Variants in PLEKHA6 observed in about 807,000 individuals in gnomAD.
PLEKHA6 encodes pleckstrin homology domain-containing family A member 6.
PLEKHA6 carries 60 observed loss-of-function variants against 116.7 expected under a neutral mutation model. That is an observed-to-expected ratio of 0.51 (90% CI 0.42 to 0.64). The LOEUF is 0.64. PLEKHA6 is among the 30% of genes least tolerant of loss of function. PLEKHA6 has a pLI of 0.00. For missense variants in PLEKHA6, 1,338 were observed against 1,422.7 expected, an observed-to-expected ratio of 0.94 and a Z score of 0.96; for synonymous variants, 489 against 556.1, an observed-to-expected ratio of 0.88 and a Z score of 1.70.
chr1:204,359,353 T>C (rs1673503940), intron 1 of PLEKHA6, among the ~76,000 whole-genome samples: 1 of 152,126 alleles, frequency 6.6e-6, no homozygotes. Context: ...CTGGCCTCTC[T>C]GTGCTAGCTT....
chr1:204,310,737 G>C (rs1334606933), intron 1 of PLEKHA6, among the ~76,000 whole-genome samples: 1 of 152,218 alleles, frequency 6.6e-6, no homozygotes, highest in Non-Finnish European at 1.5e-5. Context: ...CATCCTGCTA[G>C]AAATGATTAG....
chr1:204,370,243 A>C (rs1673748004), intron 2 of PLEKHA6, among the ~76,000 whole-genome samples: 1 of 152,256 alleles, frequency 6.6e-6, no homozygotes, highest in African/African-American at 2.4e-5. Context: ...CTCTTCCAGA[A>C]ATGATCCCAG....
At chr1:204,254,809 AGT>A (rs1403350672) in intron 9 of PLEKHA6, among the ~76,000 whole-genome samples, 1 of 152,198 alleles carries the variant, frequency 6.6e-6, no homozygotes, top group Non-Finnish European at 1.5e-5. Context: ...TCCACAGGAC[AGT>A]GTTGTGTACT....
chr1:204,248,772 T>C, intron 12 of PLEKHA6, 49 bp downstream of exon 12: 2 of 1,572,876 alleles, frequency 1.3e-6, no homozygotes, highest in Non-Finnish European at 1.7e-6. Flanking sequence ...GTGGCCCTGC[T>C]GCCTAGTGCT....
At chr1:204,280,916 A>T (rs529592988) in intron 1 of PLEKHA6, 13 of 603,750 alleles carry the variant, frequency 2.2e-5, no homozygotes, top group Non-Finnish European at 2.1e-5. Context: ...GCCACTTCTC[A>T]TCAGAGGCCC....
chr1:204,288,395 C>A (rs1471097899), intron 1 of PLEKHA6, among the ~76,000 whole-genome samples: 1 of 152,202 alleles, frequency 6.6e-6, no homozygotes, highest in Non-Finnish European at 1.5e-5. Context: ...GAAGGAGAGC[C>A]CTCTAGTCCC....
chr1:204,257,377 C>T lies in PLEKHA6; in HGVS notation c.1500G>A (p.Met500Ile). 6.4e-7 allele frequency: 1 copy of T among 1,563,260 alleles called. No homozygotes were observed. The highest frequency in any genetic ancestry group is 8.7e-7 in the Non-Finnish European group (1 of 1,153,336). Reference sequence around the variant, plus strand: ...CCTTGGGGGAGCTGATGGATCGCCTCATCACATAGGCAGCAGGGTCAGCAT... The same window carrying T: ...CCTTGGGGGAGCTGATGGATCGCCTTATCACATAGGCAGCAGGGTCAGCAT... The part of the protein sequence containing the change: ...DIYADPAAYV[M>I]RRSISSPKVP... The change falls in exon 9 of 23, where the codon ATG (methionine) becomes ATA (isoleucine). Residue 500 changes from methionine (M) to isoleucine (I), a missense_variant. Met to Ile is a conservative substitution (Grantham distance 10). Transcript: ENST00000272203. This position sits in a 1 kb window ranked among gnomAD's most constrained non-coding sequence, Gnocchi z 6.5.
chr1:204,311,796 G>A (rs548320276), intron 1 of PLEKHA6: 116 of 487,368 alleles, frequency 2.4e-4, no homozygotes, highest in Middle Eastern at 1.1e-3. Flanking sequence ...TATTTCTTTA[G>A]AGGAGGAAAC....
intron 1 of PLEKHA6, among the ~76,000 whole-genome samples, chr1:204,340,394 C>T (rs191958518): frequency 6.6e-6 from 1 of 152,302 alleles, no homozygotes; most frequent in Non-Finnish European, 1.5e-5. Flanking sequence ...TGTTCACCCG[C>T]ATTAGAGTCA....
At chr1:204,335,550 T>A (rs1672617599) in intron 1 of PLEKHA6, among the ~76,000 whole-genome samples, 1 of 152,020 alleles carries the variant, frequency 6.6e-6, no homozygotes, top group Non-Finnish European at 1.5e-5. Flanking sequence ...TCCCTGCTCT[T>A]TGCCAGAGCA....
intron 1 of PLEKHA6, among the ~76,000 whole-genome samples, chr1:204,303,971 T>A (rs1229489612): frequency 6.6e-6 from 1 of 152,164 alleles, no homozygotes; most frequent in East Asian, 1.9e-4. Context: ...CGCCTCAGCC[T>A]CCCAAAGTGC....
intron 1 of PLEKHA6, among the ~76,000 whole-genome samples, chr1:204,282,327 G>A (rs1443825765): frequency 6.6e-6 from 1 of 152,174 alleles, no homozygotes; most frequent in East Asian, 1.9e-4. Context: ...CTTTAAACTG[G>A]TTGTTTTACT....
rs1229406531 is a variant in PLEKHA6 at position 204,222,143 on chromosome 1, G to C, written c.*645C>G. ...AGCCACAGCCAGCACTGTTCCCTCT[G>C]GGAGCCAATGGCCTCTCCCCATCTC... is the stretch of plus-strand genomic sequence containing the variant. On this transcript the variant is annotated 3_prime_UTR_variant, in exon 23 of 23. Coordinates refer to ENST00000272203, the MANE Select transcript of PLEKHA6 (RefSeq NM_014935.5). The C allele has an allele frequency of 6.6e-6, 1 of 152,512 alleles. No homozygotes were observed. Among genetic ancestry groups the C allele is most frequent in the East Asian group, 2.0e-4 (1 of 5,124 alleles). The allele number at this position is 152,512 out of a possible 1,614,324, so 9.4% of individuals were successfully genotyped here. A position where few individuals can be genotyped will look rare whatever the true frequency, so the allele number is the denominator to read the frequency against.
chr1:204,359,591 A>C, intron 1 of PLEKHA6, 103 bp downstream of exon 1: 1 of 984,870 alleles, frequency 1.0e-6, no homozygotes, highest in African/African-American at 1.7e-5. Context: ...TCCGCAGTGC[A>C]AGCAGCCCAG....
At chr1:204,323,557 G>A (rs975613658) in intron 1 of PLEKHA6, among the ~76,000 whole-genome samples, 2 of 152,186 alleles carry the variant, frequency 1.3e-5, no homozygotes, top group African/African-American at 4.8e-5. Context: ...TGGACATTTC[G>A]GAAGAAAGAA....
intron 1 of PLEKHA6, among the ~76,000 whole-genome samples, chr1:204,314,310 C>G (rs539983188): frequency 7.6e-4 from 115 of 152,278 alleles, no homozygotes; most frequent in Admixed American, 2.7e-3. Context: ...CCTGTTTCAC[C>G]CTTCAAATGG....
At chr1:204,377,852 C>A (rs1325123584), upstream of PLEKHA6, 1 of 89,468 alleles carries the variant, frequency 1.1e-5, no homozygotes, top group African/African-American at 2.9e-5. Context: ...ACTGAAGACG[C>A]GCTGGCCTCA....
intron 1 of PLEKHA6, among the ~76,000 whole-genome samples, chr1:204,351,304 G>A (rs60718096): frequency 0.13 from 20,038 of 152,148 alleles, 3,294 homozygotes; most frequent in African/African-American, 0.39. Context: ...CCCCCAACTT[G>A]GGCATGAACC....
At chr1:204,247,074 C>T (rs369238246) in intron 13 of PLEKHA6, among the ~76,000 whole-genome samples, 10 of 152,140 alleles carry the variant, frequency 6.6e-5, no homozygotes, top group East Asian at 3.9e-4. Context: ...GCAGTCAAGG[C>T]TGCAGTGAGC....
Sources: gnomAD v4.1 joint callset for allele counts (sites outside exome capture counted in the v4.1 genomes callset) on GRCh38, gnomAD v4.1.1 for gene constraint, Gnocchi (gnomAD v3.1) non-coding constraint, MANE v1.5 for transcripts, NCBI Gene and HGNC (gene_info 2026-07-23, HGNC 2026-07-21) for gene names.